Variants in SUGCT observed in about 807,000 individuals in gnomAD.
SUGCT encodes the protein succinyl-CoA:glutarate CoA-transferase.
In SUGCT, 41 loss-of-function variants were observed where a neutral mutation model predicts 55.0. The ratio of observed to expected loss-of-function variants is 0.74; its 90% CI spans 0.58 to 0.97. SUGCT has a LOEUF of 0.97. Among genes scored for constraint, SUGCT ranks in the 50% least tolerant of loss-of-function variants. The pLI, the probability that SUGCT is intolerant of heterozygous loss-of-function variation, is 0.00. For synonymous variants in SUGCT, 187 were observed against 200.4 expected, an observed-to-expected ratio of 0.93 and a Z score of 0.56; for missense variants, 568 against 547.8, an observed-to-expected ratio of 1.04 and a Z score of -0.37.
chr7:40,311,182 A>G (rs769653811), intron 8 of SUGCT, among the ~76,000 whole-genome samples: 1 of 152,198 alleles, frequency 6.6e-6, no homozygotes. Flanking sequence ...TCCTCTGCCC[A>G]TACAACCTTT....
intron 12 of SUGCT, among the ~76,000 whole-genome samples, chr7:40,523,549 T>A (rs918079010): frequency 6.6e-6 from 1 of 152,070 alleles, no homozygotes; most frequent in Non-Finnish European, 1.5e-5. Flanking sequence ...TTTATTCTAG[T>A]TCTGGATATC....
chr7:40,145,134 A>C (rs1253220850), intron 1 of SUGCT, among the ~76,000 whole-genome samples: 7 of 152,236 alleles, frequency 4.6e-5, no homozygotes, highest in Admixed American at 2.0e-4. Context: ...CTTTAAAATT[A>C]ATGTTTCAAA....
chr7:40,788,053 C>G (rs747627285), intron 13 of SUGCT, among the ~76,000 whole-genome samples: 1 of 152,192 alleles, frequency 6.6e-6, no homozygotes, highest in Non-Finnish European at 1.5e-5. Flanking sequence ...CTGCTGTATC[C>G]ATGAAAGCCA....
chr7:40,980,528 G>A, the SUGCT span, among the ~76,000 whole-genome samples: 1 of 152,084 alleles, frequency 6.6e-6, no homozygotes, highest in Admixed American at 6.6e-5. Context: ...AGTTCATCCC[G>A]AGGAAAAACT....
At chr7:40,413,441 T>A (rs1022952775) in intron 9 of SUGCT, among the ~76,000 whole-genome samples, 4 of 152,148 alleles carry the variant, frequency 2.6e-5, no homozygotes, top group Non-Finnish European at 4.4e-5. Flanking sequence ...AAACTCCAGA[T>A]GGATTAAAGA....
At chr7:40,707,433 A>T (rs1013558721) in intron 12 of SUGCT, among the ~76,000 whole-genome samples, 2 of 152,188 alleles carry the variant, frequency 1.3e-5, no homozygotes, top group East Asian at 1.9e-4. Context: ...CCTACAGGAA[A>T]TTGGGCTGCA....
At chr7:40,703,358 A>C (rs962744535) in intron 12 of SUGCT, among the ~76,000 whole-genome samples, 2 of 151,856 alleles carry the variant, frequency 1.3e-5, no homozygotes, top group African/African-American at 2.4e-5. Flanking sequence ...TTTTGAACAG[A>C]TTTTTCCTGG....
intron 9 of SUGCT, among the ~76,000 whole-genome samples, chr7:40,319,275 G>A (rs1795600866): frequency 6.6e-6 from 1 of 152,166 alleles, no homozygotes; most frequent in Admixed American, 6.6e-5. Context: ...GTTCAGCACT[G>A]TGATTAAGGA....
the SUGCT span, among the ~76,000 whole-genome samples, chr7:41,019,851 T>C: frequency 6.6e-6 from 1 of 152,182 alleles, no homozygotes; most frequent in Admixed American, 6.5e-5. Context: ...TTTAAAAAAG[T>C]CTTAAGAAAT....
At chr7:40,894,812 CAG>C in the SUGCT span, among the ~76,000 whole-genome samples, 2 of 152,130 alleles carry the variant, frequency 1.3e-5, no homozygotes, top group Non-Finnish European at 2.9e-5. Context: ...CAGAAAATAA[CAG>C]ATGCTGGTGA....
chr7:40,738,363 CAT>C (rs1461113161), intron 12 of SUGCT, among the ~76,000 whole-genome samples: 1 of 152,036 alleles, frequency 6.6e-6, no homozygotes, highest in Non-Finnish European at 1.5e-5. Flanking sequence ...TGAATTAAAA[CAT>C]GTCAATAATG....
At chr7:40,899,708 A>G in the SUGCT span, among the ~76,000 whole-genome samples, 1 of 151,954 alleles carries the variant, frequency 6.6e-6, no homozygotes, top group African/African-American at 2.4e-5. Context: ...GTTTTTTCTT[A>G]AGGAAATTAA....
intron 12 of SUGCT, among the ~76,000 whole-genome samples, chr7:40,740,562 T>A (rs1470507672): frequency 6.6e-6 from 1 of 150,520 alleles, no homozygotes; most frequent in Non-Finnish European, 1.5e-5. Context: ...TTTATTATTT[T>A]ATTTTTATTA....
intron 5 of SUGCT, among the ~76,000 whole-genome samples, chr7:40,190,341 C>T (rs1437347727): frequency 2.0e-5 from 3 of 152,250 alleles, no homozygotes; most frequent in Non-Finnish European, 2.9e-5. Flanking sequence ...CCTCCACCTC[C>T]TGGGTTCAAG....
chr7:40,889,426 G>C, the SUGCT span, among the ~76,000 whole-genome samples: 3 of 152,152 alleles, frequency 2.0e-5, no homozygotes, highest in African/African-American at 7.2e-5. Flanking sequence ...TTTGAGACAG[G>C]ATCTTGGAAA....
chr7:40,890,352 T>C, the SUGCT span, among the ~76,000 whole-genome samples: 1 of 143,892 alleles, frequency 6.9e-6, no homozygotes, highest in African/African-American at 2.5e-5. Flanking sequence ...AATATTAATA[T>C]ATTTATAATA....
chr7:40,469,862 C>G (rs1583764011), intron 11 of SUGCT, among the ~76,000 whole-genome samples: 1 of 152,174 alleles, frequency 6.6e-6, no homozygotes, highest in East Asian at 1.9e-4. Context: ...CTCTATTTCC[C>G]TGGATAAAAC....
At chr7:40,569,469 T>G (rs1796324054) in intron 12 of SUGCT, among the ~76,000 whole-genome samples, 1 of 152,202 alleles carries the variant, frequency 6.6e-6, no homozygotes, top group African/African-American at 2.4e-5. Context: ...CTGATTCTGC[T>G]TCTCACATCC....
At chr7:40,535,032 A>T (rs1004126235) in intron 12 of SUGCT, among the ~76,000 whole-genome samples, 1 of 152,164 alleles carries the variant, frequency 6.6e-6, no homozygotes, top group Non-Finnish European at 1.5e-5. Flanking sequence ...ACAAATTTGC[A>T]TTCAATTAAA....
Sources: allele counts gnomAD v4.1 joint callset (sites outside exome capture counted in the v4.1 genomes callset), GRCh38; gene constraint gnomAD v4.1.1; transcripts MANE v1.5; gene names NCBI Gene and HGNC (gene_info 2026-07-23, HGNC 2026-07-21).